Variants in MAP4K3 observed in about 807,000 individuals in gnomAD.
MAP4K3 encodes MAPK/ERK kinase kinase kinase 3.
In MAP4K3, 94 loss-of-function variants were observed where a neutral mutation model predicts 143.5. That is an observed-to-expected ratio of 0.65 (90% confidence interval 0.55 to 0.78). The LOEUF is 0.78. MAP4K3 is among the 30% of genes least tolerant of loss of function. MAP4K3 has a pLI of 0.00. For missense variants in MAP4K3, 1,077 were observed against 1,068.1 expected, an observed-to-expected ratio of 1.01 and a Z score of -0.12; for synonymous variants, 416 against 347.2, an observed-to-expected ratio of 1.20 and a Z score of -2.20.
At position 39,387,936 on chromosome 2, in the gene MAP4K3, T is replaced by C. The variant is rs371426792; in HGVS notation, c.97-9813A>G. Among the ~76,000 whole-genome samples the C allele has an allele frequency of 5.9e-5, 9 of 152,320 alleles. No homozygotes were observed. In the East Asian group the frequency reaches 1.3e-3, roughly 23 times the overall value. On this transcript the variant is annotated intron_variant, in intron 1 of 33. Transcript: ENST00000263881. ...GAGGCTATCATTAACTTTCAAAAAATGCACTTAGCAGATAATAATTGGATA... is the reference window on the plus strand; with the variant it reads ...GAGGCTATCATTAACTTTCAAAAAACGCACTTAGCAGATAATAATTGGATA...
At chr2:39,344,167 C>T (rs755317817) in intron 3 of MAP4K3, among the ~76,000 whole-genome samples, 1 of 152,154 alleles carries the variant, frequency 6.6e-6, no homozygotes, top group Non-Finnish European at 1.5e-5. Flanking sequence ...TCACCACTGC[C>T]TTCTTAGTGT....
chr2:39,307,727 A>G (rs1682761324), intron 15 of MAP4K3, among the ~76,000 whole-genome samples: 1 of 152,050 alleles, frequency 6.6e-6, no homozygotes, highest in Non-Finnish European at 1.5e-5. Context: ...TTCATAAAAA[A>G]TACAAGCATG....
chr2:39,308,852 T>C (rs191184950), intron 14 of MAP4K3, among the ~76,000 whole-genome samples: 3 of 152,218 alleles, frequency 2.0e-5, no homozygotes, highest in African/African-American at 7.2e-5. Flanking sequence ...ATCTCCCTAA[T>C]TTTCAATACT....
In MAP4K3 at chr2:39,341,739, C is replaced by CA. The variant is rs1004351915; in HGVS notation, c.310+1648dup. Among the ~76,000 whole-genome samples the CA allele has an allele frequency of 1.5e-4, 22 of 150,236 alleles. No homozygotes were observed. The East Asian group carries it at 3.5e-3, about 24-fold the overall frequency. On this transcript the variant is annotated intron_variant, in intron 4 of 33. Coordinates refer to ENST00000263881, the MANE Select transcript of MAP4K3 (RefSeq NM_003618.4). ...TAGAGAAATTCACCCAAATTCCAAC[C>CA]AAAAAAAAGTGGAATAGCCATTTGA...
At position 39,300,030 on chromosome 2, in the gene MAP4K3, T is replaced by A. The variant is rs560143305; in HGVS notation, c.1120-229A>T. 2.0e-5 allele frequency among the ~76,000 whole-genome samples: 3 copies of A among 152,240 alleles called. 1 individual carries two copies. The highest frequency in any genetic ancestry group is 2.9e-5 in the Non-Finnish European group (2 of 67,996). On this transcript the variant is annotated intron_variant, in intron 15 of 33. Coordinates refer to ENST00000263881, the MANE Select transcript of MAP4K3 (RefSeq NM_003618.4). ...ATTTTTCTGAATAATATATGCAAAGTTTCATTTTTGGTTACTGTTACTTTA... is the reference window on the plus strand; with the variant it reads ...ATTTTTCTGAATAATATATGCAAAGATTCATTTTTGGTTACTGTTACTTTA...
chr2:39,256,071 G>A (rs1261852171), intron 31 of MAP4K3, among the ~76,000 whole-genome samples: 1 of 152,052 alleles, frequency 6.6e-6, no homozygotes, highest in Non-Finnish European at 1.5e-5. Flanking sequence ...TCTTATGTAT[G>A]TTACTTTATT....
chr2:39,319,752 T>C (rs925148008), intron 12 of MAP4K3, among the ~76,000 whole-genome samples: 7 of 152,128 alleles, frequency 4.6e-5, no homozygotes, highest in South Asian at 4.1e-4. Context: ...CCTAGACAAA[T>C]GAAATTACAA....
intron 1 of MAP4K3, among the ~76,000 whole-genome samples, chr2:39,418,637 G>C: frequency 6.6e-6 from 1 of 151,970 alleles, no homozygotes. Context: ...AACACTGCCG[G>C]TGATCAAAGT....
intron 26 of MAP4K3, among the ~76,000 whole-genome samples, chr2:39,270,748 AT>A (rs1280901565): frequency 6.6e-6 from 1 of 152,178 alleles, no homozygotes; most frequent in Non-Finnish European, 1.5e-5. Flanking sequence ...GAGGCTCTTT[AT>A]CATCAGATTA....
chr2:39,264,895 C>G (rs1054789433), intron 28 of MAP4K3, among the ~76,000 whole-genome samples: 2 of 152,172 alleles, frequency 1.3e-5, no homozygotes. Context: ...TGGAGGTCAA[C>G]CAGAGAGTGT....
chr2:39,434,532 A>C (rs1410613310), intron 1 of MAP4K3, among the ~76,000 whole-genome samples: 5 of 104,790 alleles, frequency 4.8e-5, no homozygotes, highest in Non-Finnish European at 2.1e-5. Context: ...CTACTACTTA[A>C]AGATCTACAC....
chr2:39,281,174 C>T (rs1435990929), intron 22 of MAP4K3, among the ~76,000 whole-genome samples: 1 of 152,106 alleles, frequency 6.6e-6, no homozygotes, highest in African/African-American at 2.4e-5. Flanking sequence ...TCAGTATTTG[C>T]CATGTTGGCC....
intron 12 of MAP4K3, among the ~76,000 whole-genome samples, chr2:39,318,345 AT>A (rs1683188625): frequency 6.6e-6 from 1 of 152,130 alleles, no homozygotes. Context: ...GTGACATACC[AT>A]TTATCTACAG....
chr2:39,313,947 G>C (rs907084334), intron 13 of MAP4K3, among the ~76,000 whole-genome samples: 5 of 152,238 alleles, frequency 3.3e-5, no homozygotes, highest in South Asian at 2.1e-4. Context: ...AATAAAATGA[G>C]ATAACAAGAA....
At chr2:39,349,489 A>G (rs1429865207) in intron 3 of MAP4K3, among the ~76,000 whole-genome samples, 1 of 152,194 alleles carries the variant, frequency 6.6e-6, no homozygotes, top group Non-Finnish European at 1.5e-5. Context: ...TACATGAAGT[A>G]TGCTTCCAGA....
chr2:39,319,485 G>A (rs1558644246), intron 12 of MAP4K3, among the ~76,000 whole-genome samples: 1 of 152,084 alleles, frequency 6.6e-6, no homozygotes, highest in Non-Finnish European at 1.5e-5. Context: ...TGGGATTTGG[G>A]TATGCACGGA....
In MAP4K3 at chr2:39,254,494, A is replaced by G. The variant is rs553914401; in HGVS notation, c.2497T>C (p.Phe833Leu). Residue 833 changes from phenylalanine to leucine, a missense_variant, in exon 32 of 34, where the codon TTC becomes CTC. Coordinates refer to ENST00000263881, the MANE Select transcript of MAP4K3 (RefSeq NM_003618.4). Reference sequence around the variant, plus strand: ...CTACCTTGCATTCCATGTTTCCAGAAAGCTAGCACACTGTCTTGTAGGCAC... The same window carrying G: ...CTACCTTGCATTCCATGTTTCCAGAGAGCTAGCACACTGTCTTGTAGGCAC... ...IVCLQDSVLAFWKHGMQGRSF... is the reference protein window; with the variant it reads ...IVCLQDSVLALWKHGMQGRSF... 6.2e-7 allele frequency: 1 copy of G among 1,613,922 alleles called. No homozygotes were observed. Among genetic ancestry groups the G allele is most frequent in the Admixed American group, 1.7e-5 (1 of 60,028 alleles).
rs144734460 is a variant in MAP4K3 at position 39,436,721 on chromosome 2, T to C, written c.96+171A>G. The stretch of plus-strand genomic sequence containing the variant: ...CTGGGGAGGTCTCGGGGTTAAACAT[T>C]CGGCCCTTTGTTCACCAAGGCAGCA... On this transcript the variant is annotated intron_variant, in intron 1 of 33. Coordinates refer to ENST00000263881, the MANE Select transcript of MAP4K3 (RefSeq NM_003618.4). The C allele has an allele frequency of 1.8e-5, 11 of 609,388 alleles. No homozygotes were observed. The African/African-American group carries it at 2.1e-4, about 11-fold the overall frequency. The allele number at this position is 609,388 out of a possible 1,614,324, so 37.7% of individuals were successfully genotyped here.
chr2:39,298,001 C>T (rs571029167), intron 16 of MAP4K3, among the ~76,000 whole-genome samples: 6 of 152,000 alleles, frequency 3.9e-5, no homozygotes, highest in African/African-American at 1.2e-4. Context: ...TGAGGGGCTA[C>T]ATTTTTTTTT....
Sources: gnomAD v4.1 joint callset for allele counts (sites outside exome capture counted in the v4.1 genomes callset) on GRCh38, gnomAD v4.1.1 for gene constraint, MANE v1.5 for transcripts, NCBI Gene and HGNC (gene_info 2026-07-23, HGNC 2026-07-21) for gene names.